OTUD7A: variants seen among roughly 807,000 people sequenced by gnomAD.
OTUD7A encodes OTU domain-containing protein 7A.
Under a neutral mutation model 65.7 loss-of-function variants are expected in OTUD7A, and 12 were observed. The ratio of observed to expected loss-of-function variants is 0.18; its 90% CI spans 0.12 to 0.30. The LOEUF (loss-of-function observed/expected upper bound fraction) is 0.30. Ranked by LOEUF, OTUD7A falls within the 10% of genes least tolerant of loss-of-function variation. The pLI is 1.00. For synonymous variants in OTUD7A, 641 were observed against 586.3 expected, an observed-to-expected ratio of 1.09 and a Z score of -1.35; for missense variants, 1,148 against 1,304.8, an observed-to-expected ratio of 0.88 and a Z score of 1.85.
Position 31,753,701 on chromosome 15 carries a change from ATT to A in OTUD7A, c.-99-96626_-99-96625del, listed in dbSNP as rs1567004845. Among the ~76,000 whole-genome samples the A allele has an allele frequency of 6.4e-3, 258 of 40,500 alleles. 10 individuals are homozygous for A. The highest frequency in any genetic ancestry group is 0.04 in the African/African-American group (251 of 6,340). The allele number at this position is 40,500 out of a possible 152,430, so 26.6% of individuals were successfully genotyped here. ...TAACCTGTGAGATATATATATATAT[ATT>A]ATATATATATATATATATTATATAT... On this transcript the variant is annotated intron_variant, in intron 1 of 12. Transcript: ENST00000307050.
rs1555425282 is a variant in OTUD7A, at chr15:31,860,677, GTATA to G, written c.-100+9826_-100+9829del. On this transcript the variant is annotated intron_variant, in intron 1 of 12. Transcript: ENST00000307050. ...TGTGTGTATATATAGATGTATGTGT[GTATA>G]TATATATATATATATATATGTATGT... Among the ~76,000 whole-genome samples, 69 of 73,282 alleles carry G rather than the reference GTATA, an allele frequency of 9.4e-4. 4 individuals carry two copies. The highest frequency in any genetic ancestry group is 9.8e-3 in the Middle Eastern group (1 of 102). The allele number at this position is 73,282 out of a possible 152,430, so 48.1% of individuals were successfully genotyped here. A position where few individuals can be genotyped will look rare whatever the true frequency, so the allele number is the denominator to read the frequency against.
At chr15:31,662,387 CTTCT>C (rs1279428821) in intron 1 of OTUD7A, among the ~76,000 whole-genome samples, 2 of 152,168 alleles carry the variant, frequency 1.3e-5, no homozygotes, top group Non-Finnish European at 2.9e-5. Context: ...CAATTTGTTA[CTTCT>C]TTTTTTGAAA....
At chr15:31,868,000 G>C (rs1190323605) in intron 1 of OTUD7A, among the ~76,000 whole-genome samples, 1 of 152,250 alleles carries the variant, frequency 6.6e-6, no homozygotes, top group African/African-American at 2.4e-5. Context: ...CTCTGACACA[G>C]GCCCGCCAAG....
At chr15:31,821,969 T>C (rs1169605727) in intron 1 of OTUD7A, among the ~76,000 whole-genome samples, 1 of 152,236 alleles carries the variant, frequency 6.6e-6, no homozygotes, top group Non-Finnish European at 1.5e-5. Context: ...GTCTTTTTAT[T>C]ATTGGGTTCT....
At chr15:31,807,889 C>CA (rs1006105455) in intron 1 of OTUD7A, among the ~76,000 whole-genome samples, 23 of 152,030 alleles carry the variant, frequency 1.5e-4, no homozygotes, top group African/African-American at 5.1e-4. Flanking sequence ...GGAAACCATC[C>CA]AATTGAGAGA....
chr15:31,865,675 C>T (rs1900257586), intron 1 of OTUD7A, among the ~76,000 whole-genome samples: 3 of 152,204 alleles, frequency 2.0e-5, no homozygotes, highest in South Asian at 2.1e-4. Flanking sequence ...CACAGACAGA[C>T]GTCTGCTCTC....
rs183119235 is a variant in OTUD7A at position 31,660,309 on chromosome 15, T to C, written c.-99-3232A>G. 2.6e-3 allele frequency among the ~76,000 whole-genome samples: 394 copies of C among 152,350 alleles called. 3 individuals carry two copies. Among genetic ancestry groups the C allele is most frequent in the African/African-American group, 8.9e-3 (372 of 41,586 alleles). ...CTCAGATGTCAACATTCCAAGAGCC[T>C]GTGTGGCCCATCCCTTGCCAGACGC... On this transcript the variant is annotated intron_variant, in intron 1 of 12. Transcript: ENST00000307050.
intron 1 of OTUD7A, among the ~76,000 whole-genome samples, chr15:31,667,693 G>GT (rs1017818381): frequency 3.2e-4 from 48 of 152,078 alleles, no homozygotes; most frequent in African/African-American, 8.2e-4. Context: ...GTGTACCTTG[G>GT]TTTTTTCATT....
intron 8 of OTUD7A, among the ~76,000 whole-genome samples, chr15:31,516,859 A>G (rs1306270439): frequency 6.6e-6 from 1 of 152,160 alleles, no homozygotes; most frequent in Non-Finnish European, 1.5e-5. Context: ...CCAACTCATG[A>G]TGGCCTCCAT....
At chr15:31,729,289 C>G (rs1004515206) in intron 1 of OTUD7A, among the ~76,000 whole-genome samples, 2 of 152,076 alleles carry the variant, frequency 1.3e-5, no homozygotes, top group African/African-American at 4.8e-5. Flanking sequence ...AAATAAATAA[C>G]TAAAGTTTAT....
At chr15:31,558,768 A>T in intron 5 of OTUD7A, 1 of 618,586 alleles carries the variant, frequency 1.6e-6, no homozygotes, top group Non-Finnish European at 2.8e-6. Context: ...CCACCTAGTT[A>T]TCGGCCCCTC....
At chr15:31,560,453 A>G (rs1888653812) in intron 4 of OTUD7A, among the ~76,000 whole-genome samples, 1 of 152,270 alleles carries the variant, frequency 6.6e-6, no homozygotes, top group Non-Finnish European at 1.5e-5. Flanking sequence ...TTACCTAGAA[A>G]GTAGATGTAT....
intron 4 of OTUD7A, among the ~76,000 whole-genome samples, chr15:31,561,216 G>A (rs1052490023): frequency 2.0e-5 from 3 of 151,916 alleles, no homozygotes; most frequent in African/African-American, 7.3e-5. Flanking sequence ...GGGAGCACAT[G>A]GGCCCAGCTT....
rs1226294573 is a variant in OTUD7A, at chr15:31,503,734, G to A, written c.978C>T (p.Ile326=). 6.8e-6 allele frequency: 11 copies of A among 1,614,094 alleles called. No homozygotes were observed. Among genetic ancestry groups the A allele is most frequent in the Non-Finnish European group, 9.3e-6 (11 of 1,180,008 alleles). ...TTAACATTGTATCTGCCACAACAAC[G>A]ATGGGCCTTCTTAATATATGGGCTA... The part of the protein sequence containing the change: ...FVLAHILRRP[I]VVVADTMLRD... Residue 326 remains isoleucine (I), a synonymous_variant, in exon 9 of 13, where the codon ATC becomes ATT. Coordinates refer to ENST00000307050, the MANE Select transcript of OTUD7A (RefSeq NM_001382637.1).
At chr15:31,540,489 C>T (rs1887953448) in intron 5 of OTUD7A, among the ~76,000 whole-genome samples, 2 of 152,180 alleles carry the variant, frequency 1.3e-5, no homozygotes, top group African/African-American at 2.4e-5. Context: ...GGGTTCAAAT[C>T]TCAGTTCCAC....
At chr15:31,538,592 T>C (rs1240313668) in intron 5 of OTUD7A, among the ~76,000 whole-genome samples, 1 of 152,164 alleles carries the variant, frequency 6.6e-6, no homozygotes, top group African/African-American at 2.4e-5. Flanking sequence ...AAAAGGCCAG[T>C]CTAATTTTGT....
At chr15:31,596,199 C>G (rs1390486732) in intron 3 of OTUD7A, among the ~76,000 whole-genome samples, 1 of 152,148 alleles carries the variant, frequency 6.6e-6, no homozygotes, top group African/African-American at 2.4e-5. Context: ...TTCTACATGG[C>G]CCCTGTGCTC....
At chr15:31,819,007 G>C (rs1567039779) in intron 1 of OTUD7A, among the ~76,000 whole-genome samples, 1 of 152,148 alleles carries the variant, frequency 6.6e-6, no homozygotes, top group Non-Finnish European at 1.5e-5. Context: ...GGTGATACAA[G>C]AAAGAGATGA....
chr15:31,745,855 T>C (rs1319934800), intron 1 of OTUD7A, among the ~76,000 whole-genome samples: 2 of 147,066 alleles, frequency 1.4e-5, no homozygotes, highest in African/African-American at 5.5e-5. Context: ...GATTATCCAA[T>C]TTTTTTAAAA....
Sources: gnomAD v4.1 joint callset for allele counts (sites outside exome capture counted in the v4.1 genomes callset) on GRCh38, gnomAD v4.1.1 for gene constraint, MANE v1.5 for transcripts, NCBI Gene and HGNC (gene_info 2026-07-23, HGNC 2026-07-21) for gene names.